AMD1: variants seen among roughly 807,000 people sequenced by gnomAD.
AMD1 encodes adenosylmethionine decarboxylase 1, also known as S-adenosylmethionine decarboxylase proenzyme.
A neutral mutation model predicts 40.2 loss-of-function variants in AMD1; 11 were observed. The observed-to-expected ratio is 0.27, with a 90% confidence interval of 0.17 to 0.45. The LOEUF (loss-of-function observed/expected upper bound fraction) is 0.45. AMD1 is among the 20% of genes least tolerant of loss of function. The pLI, the probability that AMD1 is intolerant of heterozygous loss-of-function variation, is 1.00. For missense variants in AMD1, 257 were observed against 410.2 expected, an observed-to-expected ratio of 0.63 and a Z score of 3.23; for synonymous variants, 121 against 130.8, an observed-to-expected ratio of 0.93 and a Z score of 0.51.
intron 8 of AMD1, 64 bp downstream of exon 8, chr6:110,893,129 A>G: frequency 7.2e-7 from 1 of 1,394,886 alleles, no homozygotes; most frequent in Non-Finnish European, 9.8e-7. Context: ...GAAATGAGAC[A>G]GTGAGGCCTA....
chr6:110,854,741 C>A, the AMD1 span, among the ~76,000 whole-genome samples: 3 of 152,096 alleles, frequency 2.0e-5, no homozygotes, highest in Admixed American at 6.6e-5. Context: ...AGCCACCGCA[C>A]CCGGCCAAAT....
the AMD1 span, among the ~76,000 whole-genome samples, chr6:110,830,678 T>C: frequency 6.6e-6 from 1 of 152,248 alleles, no homozygotes; most frequent in Non-Finnish European, 1.5e-5. Flanking sequence ...CTGCTGCTGC[T>C]ATACACTACC....
the AMD1 span, among the ~76,000 whole-genome samples, chr6:110,869,155 G>C: frequency 6.6e-6 from 1 of 151,296 alleles, no homozygotes; most frequent in African/African-American, 2.4e-5. Flanking sequence ...TTTTGAGACG[G>C]AGTCTCTCTC....
chr6:110,887,978 G>A (rs759545408), intron 2 of AMD1, among the ~76,000 whole-genome samples: 4 of 152,014 alleles, frequency 2.6e-5, no homozygotes, highest in Admixed American at 6.6e-5. Flanking sequence ...GAGCCACCGC[G>A]CCCAGCCTTT....
At chr6:110,823,020 CA>C in the AMD1 span, among the ~76,000 whole-genome samples, 1 of 152,092 alleles carries the variant, frequency 6.6e-6, no homozygotes, top group Non-Finnish European at 1.5e-5. Context: ...GAGGCTGAGG[CA>C]GGAAAATCAC....
At chr6:110,848,348 A>C in the AMD1 span, among the ~76,000 whole-genome samples, 4 of 150,742 alleles carry the variant, frequency 2.7e-5, no homozygotes, top group Non-Finnish European at 4.5e-5. Flanking sequence ...ATGGTGAAAC[A>C]CTGTCTCTAC....
Position 110,893,767 on chromosome 6 carries a change from A to T in AMD1, c.*151A>T. The T allele has an allele frequency of 1.2e-6, 1 of 810,488 alleles. No homozygotes were observed. Among genetic ancestry groups the T allele is most frequent in the Non-Finnish European group, 1.9e-6 (1 of 532,442 alleles). The allele number at this position is 810,488 out of a possible 1,614,324, so 50.2% of individuals were successfully genotyped here. On this transcript the variant is annotated 3_prime_UTR_variant, in exon 9 of 9. Transcript: ENST00000368885. ...ATGTAATGATAGTGTAATCATTTTG[A>T]ATTGTATGCATTATTATATCAAGGA...
upstream of AMD1, among the ~76,000 whole-genome samples, chr6:110,873,126 A>G (rs1228220519): frequency 6.6e-6 from 1 of 152,186 alleles, no homozygotes; most frequent in Non-Finnish European, 1.5e-5. Context: ...GCACTTTGGG[A>G]GGCCGAAGTG....
chr6:110,819,429 C>T, the AMD1 span, among the ~76,000 whole-genome samples: 2 of 152,074 alleles, frequency 1.3e-5, no homozygotes, highest in Non-Finnish European at 2.9e-5. Flanking sequence ...AAAGCACATA[C>T]TATAATTATT....
At chr6:110,879,383 A>C (rs893046303) in intron 1 of AMD1, among the ~76,000 whole-genome samples, 1 of 152,216 alleles carries the variant, frequency 6.6e-6, no homozygotes, top group Non-Finnish European at 1.5e-5. Flanking sequence ...TGTTGTTTAC[A>C]AACCATGTAT....
chr6:110,890,256 C>A lies in AMD1; in HGVS notation c.327C>A (p.Ser109Arg), dbSNP rs369005588. 6.5e-7 allele frequency: 1 copy of A among 1,546,800 alleles called. No homozygotes were observed. Among genetic ancestry groups the A allele is most frequent in the Admixed American group, 2.3e-5 (1 of 43,876 alleles). Residue 109 changes from serine (S) to arginine (R), a missense_variant and splice_region_variant, in exon 4 of 9, where the codon AGC becomes AGA. By Grantham distance (110) the Ser-to-Arg change is moderately radical. Around this residue, in one of 3 missense-constraint regions of AMD1, gnomAD observed 192 missense variants for 296.5 expected, o/e 0.65. Transcript: ENST00000368885. ...CTTTCTTTTCTTTTTTAATAAAGAG[C>A]TTCTTTTATTCTCGTAAGAATTTCA... ...RDYSGFDSIQ[S>R]FFYSRKNFMK...
At chr6:110,814,819 C>A in the AMD1 span, 1 of 750,614 alleles carries the variant, frequency 1.3e-6, no homozygotes. Context: ...GTTCGAGGTA[C>A]GCGACGGGGC....
the AMD1 span, among the ~76,000 whole-genome samples, chr6:110,830,565 T>G: frequency 3.3e-5 from 5 of 152,206 alleles, no homozygotes; most frequent in Non-Finnish European, 7.3e-5. Context: ...TTAATTTGCA[T>G]GTGATTAAAA....
chr6:110,822,427 G>A, the AMD1 span, among the ~76,000 whole-genome samples: 2 of 151,848 alleles, frequency 1.3e-5, no homozygotes, highest in African/African-American at 2.4e-5. Flanking sequence ...CAGTGAGATT[G>A]CCAAGAAAAA....
At chr6:110,881,207 C>T (rs1785393366) in intron 1 of AMD1, among the ~76,000 whole-genome samples, 1 of 152,128 alleles carries the variant, frequency 6.6e-6, no homozygotes, top group South Asian at 2.1e-4. Context: ...ATTAGGGTAT[C>T]TCAACCTCAG....
At chr6:110,820,236 CT>C in the AMD1 span, among the ~76,000 whole-genome samples, 1 of 132,190 alleles carries the variant, frequency 7.6e-6, no homozygotes, top group Admixed American at 7.2e-5. Context: ...TTCTTTCTTT[CT>C]TTCTTTTTTT....
At chr6:110,825,455 C>G in the AMD1 span, among the ~76,000 whole-genome samples, 1 of 152,162 alleles carries the variant, frequency 6.6e-6, no homozygotes, top group African/African-American at 2.4e-5. Context: ...GTTAAACCAC[C>G]TCTGCTTTCT....
the AMD1 span, among the ~76,000 whole-genome samples, chr6:110,837,183 A>G: frequency 6.9e-6 from 1 of 144,484 alleles, no homozygotes; most frequent in Non-Finnish European, 1.5e-5. Flanking sequence ...AAAAAAAAAA[A>G]AAAAAAAAAA....
At chr6:110,892,643 C>CTCT in intron 6 of AMD1, 92 bp from the exon 7 acceptor site, 1 of 1,478,166 alleles carries the variant, frequency 6.8e-7, no homozygotes, top group Admixed American at 1.8e-5. Flanking sequence ...TTTCCTGGTC[C>CTCT]TCTCCCTTCT....
Sources: gnomAD v4.1 joint callset for allele counts (sites outside exome capture counted in the v4.1 genomes callset) on GRCh38, gnomAD v4.1.1 for gene constraint, gnomAD v4.1.1 regional missense constraint, MANE v1.5 for transcripts, NCBI Gene and HGNC (gene_info 2026-07-23, HGNC 2026-07-21) for gene names.